Variants in ANXA8 observed in about 807,000 individuals in gnomAD.
The protein encoded by ANXA8 is VAC-beta.
ANXA8 carries 9 observed loss-of-function variants against 26.8 expected under a neutral mutation model. The ratio of observed to expected loss-of-function variants is 0.34; its 90% confidence interval spans 0.20 to 0.59. The LOEUF (loss-of-function observed/expected upper bound fraction) is 0.59. Ranked by LOEUF, ANXA8 falls within the 20% of genes least tolerant of loss-of-function variation. The probability of loss-of-function intolerance (pLI) is 0.84; values close to 1 mark genes in which losing one functional copy is unlikely to be tolerated. For missense variants in ANXA8, 83 were observed against 238.5 expected, an observed-to-expected ratio of 0.35 and a Z score of 4.29; for synonymous variants, 39 against 94.8, an observed-to-expected ratio of 0.41 and a Z score of 3.42.
the ANXA8 span, among the ~76,000 whole-genome samples, chr10:47,941,753 C>G: frequency 4.8e-3 from 704 of 147,882 alleles, 39 homozygotes; most frequent in Non-Finnish European, 7.2e-3. Flanking sequence ...ATCAGTGAAG[C>G]AGGGTAATTT....
the ANXA8 span, among the ~76,000 whole-genome samples, chr10:47,951,200 G>T: frequency 6.7e-6 from 1 of 149,640 alleles, no homozygotes; most frequent in African/African-American, 2.5e-5. Flanking sequence ...AGAGGAAATG[G>T]GAAAATTTTT....
chr10:47,705,349 T>C, the ANXA8 span, among the ~76,000 whole-genome samples: 1 of 134,592 alleles, frequency 7.4e-6, no homozygotes, highest in African/African-American at 2.8e-5. Context: ...TGTGTATGAA[T>C]GATAGCTAAA....
the ANXA8 span, among the ~76,000 whole-genome samples, chr10:47,942,814 G>T: frequency 1.4e-5 from 2 of 146,002 alleles, no homozygotes; most frequent in Non-Finnish European, 3.0e-5. Flanking sequence ...CCTACAGGCG[G>T]CAGGAGGCCA....
At chr10:47,977,631 A>G in the ANXA8 span, among the ~76,000 whole-genome samples, 7 of 151,634 alleles carry the variant, frequency 4.6e-5, no homozygotes, top group East Asian at 1.3e-3. Flanking sequence ...AAAATTATAT[A>G]AAAAAGGGAA....
upstream of ANXA8, chr10:47,484,120 G>A (rs1839964185): frequency 6.8e-6 from 10 of 1,472,460 alleles, no homozygotes; most frequent in Non-Finnish European, 9.4e-6. Context: ...GGCTCTGCCT[G>A]GCTTTGGGCA....
chr10:47,710,178 A>C, the ANXA8 span: 6 of 1,024,022 alleles, frequency 5.9e-6, no homozygotes, highest in Non-Finnish European at 5.6e-6. Flanking sequence ...AGAAAAATGT[A>C]ATGTTGCCAT....
the ANXA8 span, among the ~76,000 whole-genome samples, chr10:47,653,989 G>T: frequency 6.6e-6 from 1 of 151,004 alleles, no homozygotes; most frequent in Admixed American, 6.6e-5. Flanking sequence ...AACACCTAGG[G>T]ATAGAGTATG....
the ANXA8 span, among the ~76,000 whole-genome samples, chr10:47,954,376 G>C: frequency 6.6e-6 from 1 of 151,130 alleles, no homozygotes; most frequent in Admixed American, 6.6e-5. Context: ...AGAGTGGAAT[G>C]ATGGTCACCA....
chr10:47,574,083 G>A, the ANXA8 span, among the ~76,000 whole-genome samples: 1 of 71,954 alleles, frequency 1.4e-5, no homozygotes, highest in South Asian at 6.8e-4. Context: ...TTTATGGGGG[G>A]ACATAATGGT....
the ANXA8 span, among the ~76,000 whole-genome samples, chr10:47,765,863 A>C: frequency 2.0e-5 from 3 of 146,856 alleles, no homozygotes; most frequent in African/African-American, 5.1e-5. Flanking sequence ...AGCTACTTCC[A>C]CGGCTCTGCG....
chr10:47,937,829 G>GGACATGTTCCTGTAAAC, the ANXA8 span, among the ~76,000 whole-genome samples: 1 of 147,370 alleles, frequency 6.8e-6, no homozygotes, highest in East Asian at 2.0e-4. Flanking sequence ...TTCCTGTAAA[G>GGACATGTTCCTGTAAAC]GACATGTTCC....
upstream of ANXA8, chr10:47,484,891 C>T (rs1222012011): frequency 5.1e-4 from 229 of 452,510 alleles, 1 homozygote; most frequent in African/African-American, 4.3e-3. Context: ...TCCAGTGGTG[C>T]TTCTGAGCAG....
the ANXA8 span, among the ~76,000 whole-genome samples, chr10:47,695,497 G>T: frequency 6.6e-6 from 1 of 151,802 alleles, no homozygotes; most frequent in Admixed American, 6.6e-5. Context: ...GAAAGGAAAA[G>T]CAGATTTGGA....
At chr10:47,503,826 C>T in the ANXA8 span, among the ~76,000 whole-genome samples, 30 of 118,714 alleles carry the variant, frequency 2.5e-4, no homozygotes, top group Admixed American at 4.4e-4. Context: ...TCCAGTTACT[C>T]GGGAGGCTGA....
chr10:47,743,341 C>CACATATAT, the ANXA8 span, among the ~76,000 whole-genome samples: 9 of 53,742 alleles, frequency 1.7e-4, no homozygotes, highest in Admixed American at 2.2e-3. Context: ...TATATATATA[C>CACATATAT]ATATATATAT....
At chr10:47,944,066 C>T in the ANXA8 span, among the ~76,000 whole-genome samples, 441 of 147,128 alleles carry the variant, frequency 3.0e-3, 8 homozygotes, top group Non-Finnish European at 4.2e-3. Context: ...CCATACACCA[C>T]GTGGCACGTG....
At chr10:47,593,062 A>G in the ANXA8 span, among the ~76,000 whole-genome samples, 1 of 143,290 alleles carries the variant, frequency 7.0e-6, no homozygotes, top group East Asian at 1.9e-4. Flanking sequence ...CATGGGCTGC[A>G]GACTCCATAC....
At chr10:47,980,328 G>A in the ANXA8 span, among the ~76,000 whole-genome samples, 1 of 151,564 alleles carries the variant, frequency 6.6e-6, no homozygotes, top group Admixed American at 6.6e-5. Context: ...AAAGAAGAAA[G>A]ATCTCGATAA....
the ANXA8 span, among the ~76,000 whole-genome samples, chr10:47,608,156 A>T: frequency 7.5e-6 from 1 of 132,862 alleles, no homozygotes; most frequent in Non-Finnish European, 1.6e-5. Flanking sequence ...GACCTCTAGA[A>T]TCCACATGTA....
Sources: allele counts gnomAD v4.1 joint callset (sites outside exome capture counted in the v4.1 genomes callset), GRCh38; gene constraint gnomAD v4.1.1; transcripts MANE v1.5; gene names NCBI Gene and HGNC (gene_info 2026-07-23, HGNC 2026-07-21).